The following MSRA variants were observed in gnomAD, a reference collection of about 807,000 sequenced individuals.
MSRA encodes the protein methionine sulfoxide reductase A.
In MSRA, 54 loss-of-function variants were observed where a neutral mutation model predicts 31.3. The observed-to-expected ratio is 1.73, with a 90% confidence interval of 1.39 to 2.17. The LOEUF is 2.17. MSRA is among the 30% of genes most tolerant of loss of function. MSRA has a pLI of 0.00. For missense variants in MSRA, 507 were observed against 300.9 expected, an observed-to-expected ratio of 1.69 and a Z score of -5.07; for synonymous variants, 169 against 116.5, an observed-to-expected ratio of 1.45 and a Z score of -2.90.
chr8:10,389,169 C>G (rs1806579782), intron 5 of MSRA, among the ~76,000 whole-genome samples: 1 of 152,120 alleles, frequency 6.6e-6, no homozygotes, highest in Non-Finnish European at 1.5e-5. Flanking sequence ...ACAGGCAATC[C>G]AGTCAGTGTT....
At chr8:10,337,480 A>G in intron 5 of MSRA, 1 of 523,454 alleles carries the variant, frequency 1.9e-6, no homozygotes, top group Non-Finnish European at 3.4e-6. Context: ...CGCCCGGCCA[A>G]GCCTATGTCG....
intron 5 of MSRA, among the ~76,000 whole-genome samples, chr8:10,418,013 G>A (rs1424450430): frequency 6.6e-6 from 1 of 152,106 alleles, no homozygotes; most frequent in African/African-American, 2.4e-5. Flanking sequence ...CCGGACAGCA[G>A]CTTCAAGTTG....
At chr8:10,103,699 T>TTA (rs970567713) in intron 1 of MSRA, among the ~76,000 whole-genome samples, 256 of 151,434 alleles carry the variant, frequency 1.7e-3, no homozygotes, top group East Asian at 1.7e-3. Flanking sequence ...ATAGACTGTT[T>TTA]TATATATATA....
At chr8:10,182,430 A>G (rs573622213) in intron 1 of MSRA, among the ~76,000 whole-genome samples, 3 of 152,160 alleles carry the variant, frequency 2.0e-5, no homozygotes, top group Admixed American at 1.3e-4. Flanking sequence ...TGGGTCCTCT[A>G]CTTCAGAGTC....
chr8:10,104,714 G>C (rs1377087730), intron 1 of MSRA, among the ~76,000 whole-genome samples: 3 of 152,150 alleles, frequency 2.0e-5, no homozygotes, highest in Non-Finnish European at 4.4e-5. Context: ...ATGCTGGCCT[G>C]CTTTTCCTGA....
chr8:10,423,769 C>T lies in MSRA; in HGVS notation c.544-4379C>T, dbSNP rs184658549. 1.8e-3 allele frequency among the ~76,000 whole-genome samples: 280 copies of T among 152,284 alleles called. 4 individuals are homozygous for T. The highest frequency in any genetic ancestry group is 6.4e-3 in the African/African-American group (266 of 41,546). ...GACACGGAAAGTGGCTGCCTGAGTC[C>T]GTCGTCCCCTTCTCCCTCCCACCAT... On this transcript the variant is annotated intron_variant, in intron 5 of 5. Transcript: ENST00000317173.
At chr8:10,284,280 C>T (rs1447764215) in intron 3 of MSRA, among the ~76,000 whole-genome samples, 1 of 152,118 alleles carries the variant, frequency 6.6e-6, no homozygotes, top group Non-Finnish European at 1.5e-5. Flanking sequence ...CCTCCACCTC[C>T]CAGGTTCAAG....
At chr8:10,341,945 C>T (rs1803453744) in intron 5 of MSRA, among the ~76,000 whole-genome samples, 1 of 152,166 alleles carries the variant, frequency 6.6e-6, no homozygotes, top group Admixed American at 6.5e-5. Flanking sequence ...GCATTTCCTC[C>T]TGTGACATAA....
intron 3 of MSRA, among the ~76,000 whole-genome samples, chr8:10,267,743 A>G (rs1048489812): frequency 6.6e-6 from 1 of 152,140 alleles, no homozygotes; most frequent in Non-Finnish European, 1.5e-5. Context: ...CAATTTCGCT[A>G]TCTGCCAGAA....
chr8:10,214,403 C>T (rs540782401), intron 2 of MSRA, among the ~76,000 whole-genome samples: 6 of 152,208 alleles, frequency 3.9e-5, no homozygotes, highest in African/African-American at 1.4e-4. Context: ...TTTGAATCAG[C>T]CCCGGTTATT....
intron 5 of MSRA, among the ~76,000 whole-genome samples, chr8:10,384,128 A>C (rs576522344): frequency 1.2e-4 from 19 of 152,094 alleles, no homozygotes; most frequent in Non-Finnish European, 2.6e-4. Flanking sequence ...TTGTACCTTA[A>C]ATTAGAAGAG....
At chr8:10,258,804 C>G (rs1276968703) in intron 3 of MSRA, among the ~76,000 whole-genome samples, 1 of 152,144 alleles carries the variant, frequency 6.6e-6, no homozygotes, top group African/African-American at 2.4e-5. Flanking sequence ...TATCTAAGAC[C>G]TTTTTAAGAA....
At chr8:10,229,837 G>C (rs1036399129) in intron 2 of MSRA, among the ~76,000 whole-genome samples, 21 of 152,184 alleles carry the variant, frequency 1.4e-4, no homozygotes, top group African/African-American at 5.1e-4. Context: ...GAATTTGGAA[G>C]AGGAAAGGGA....
Position 10,395,653 on chromosome 8 carries a change from T to C in MSRA, c.544-32495T>C, listed in dbSNP as rs531252168. Among the ~76,000 whole-genome samples the C allele has an allele frequency of 2.0e-4, 31 of 152,214 alleles. 1 individual carries two copies. The South Asian group carries it at 5.4e-3, about 26-fold the overall frequency. On this transcript the variant is annotated intron_variant, in intron 5 of 5. Coordinates refer to ENST00000317173, the MANE Select transcript of MSRA (RefSeq NM_012331.5). ...GCATGCGAACAGTTTTTGTCATCACTCCTCTGTTTATAATGAAATGCTGAG... is the reference window on the plus strand; with the variant it reads ...GCATGCGAACAGTTTTTGTCATCACCCCTCTGTTTATAATGAAATGCTGAG...
intron 2 of MSRA, among the ~76,000 whole-genome samples, chr8:10,221,477 G>C (rs916084097): frequency 2.6e-5 from 4 of 151,576 alleles, no homozygotes; most frequent in South Asian, 2.1e-4. Flanking sequence ...ACTTAACTCT[G>C]AGATGAGAAA....
chr8:10,351,280 A>G (rs1171520411), intron 5 of MSRA, among the ~76,000 whole-genome samples: 7 of 92,352 alleles, frequency 7.6e-5, no homozygotes, highest in African/African-American at 2.2e-4. Flanking sequence ...TTTTAGACGG[A>G]GTCTCGCTCT....
At chr8:10,375,368 G>A (rs906423187) in intron 5 of MSRA, among the ~76,000 whole-genome samples, 21 of 152,316 alleles carry the variant, frequency 1.4e-4, no homozygotes, top group African/African-American at 5.1e-4. Context: ...GGCCCTGAAG[G>A]TAGATGAAGA....
intron 2 of MSRA, among the ~76,000 whole-genome samples, chr8:10,219,856 C>T (rs567287335): frequency 1.1e-4 from 16 of 139,744 alleles, no homozygotes; most frequent in Non-Finnish European, 2.2e-4. Flanking sequence ...GTACAATGTA[C>T]ACCTTTTTGG....
chr8:10,321,799 A>T (rs914617820), intron 5 of MSRA, among the ~76,000 whole-genome samples: 7 of 152,132 alleles, frequency 4.6e-5, no homozygotes, highest in Non-Finnish European at 8.8e-5. Context: ...TGAGCTTCGA[A>T]TCCCCTCAAC....
Sources: allele counts gnomAD v4.1 joint callset (sites outside exome capture counted in the v4.1 genomes callset), GRCh38; gene constraint gnomAD v4.1.1; transcripts MANE v1.5; gene names NCBI Gene and HGNC (gene_info 2026-07-23, HGNC 2026-07-21).